Variants in ITPR2 observed in about 807,000 individuals in gnomAD.
ITPR2 encodes the protein inositol 1,4,5-trisphosphate-gated calcium channel ITPR2.
A neutral mutation model predicts 317.1 loss-of-function variants in ITPR2; 207 were observed. That is an observed-to-expected ratio of 0.65 (90% confidence interval 0.58 to 0.73). The LOEUF (loss-of-function observed/expected upper bound fraction) is 0.73. Ranked by LOEUF, ITPR2 falls within the 30% of genes least tolerant of loss-of-function variation. The pLI, the probability that ITPR2 is intolerant of heterozygous loss-of-function variation, is 0.00. For synonymous variants in ITPR2, 1,156 were observed against 1,149.1 expected, an observed-to-expected ratio of 1.01 and a Z score of -0.12; for missense variants, 2,613 against 3,284.0, an observed-to-expected ratio of 0.80 and a Z score of 4.99.
intron 34 of ITPR2, among the ~76,000 whole-genome samples, chr12:26,576,552 C>T (rs1945282580): frequency 6.6e-6 from 1 of 152,178 alleles, no homozygotes; most frequent in African/African-American, 2.4e-5. Context: ...GCAAAAGAGC[C>T]ATGGCGCTCC....
intron 37 of ITPR2, among the ~76,000 whole-genome samples, chr12:26,518,249 T>C (rs1201963600): frequency 6.6e-6 from 1 of 152,180 alleles, no homozygotes; most frequent in Non-Finnish European, 1.5e-5. Flanking sequence ...GCCATTATCC[T>C]AAGCAAACTA....
At chr12:26,600,217 G>A (rs1945962361) in intron 28 of ITPR2, 108 bp from the exon 29 acceptor site, 1 of 888,832 alleles carries the variant, frequency 1.1e-6, no homozygotes. Context: ...GCCCATCTTT[G>A]ATCTCCTTTC....
rs2136870655 is a variant in ITPR2, at chr12:26,494,142, T to A, written c.5370+11A>T. 1 of 1,595,794 alleles carries A rather than the reference T, an allele frequency of 6.3e-7. No homozygotes were observed. Among genetic ancestry groups the A allele is most frequent in the East Asian group, 2.3e-5 (1 of 44,082 alleles). On this transcript the variant is annotated intron_variant, in intron 39 of 56. Coordinates refer to ENST00000381340, the MANE Select transcript of ITPR2 (RefSeq NM_002223.4). ...TAATAAATGTAATCCCCATGATTGA[T>A]GAACAAGTACCTGTGTTTGTGTATT...
chr12:26,739,255 G>C (rs1160248966), intron 2 of ITPR2, among the ~76,000 whole-genome samples: 2 of 152,266 alleles, frequency 1.3e-5, no homozygotes, highest in Middle Eastern at 3.4e-3. Context: ...GTAGTTTCTT[G>C]AAAAGTTAAA....
intron 21 of ITPR2, among the ~76,000 whole-genome samples, chr12:26,641,501 T>C (rs1946988732): frequency 6.6e-6 from 1 of 151,818 alleles, no homozygotes; most frequent in Admixed American, 6.6e-5. Flanking sequence ...GAATTCAAAA[T>C]TTCCAGCAAG....
intron 45 of ITPR2, among the ~76,000 whole-genome samples, chr12:26,458,925 A>G (rs893567879): frequency 1.3e-5 from 2 of 152,166 alleles, no homozygotes; most frequent in Non-Finnish European, 2.9e-5. Context: ...TTTAATTAGC[A>G]CAGTTGCTGT....
chr12:26,790,176 G>T lies in ITPR2; in HGVS notation c.144C>A (p.Asn48Lys), dbSNP rs1178910616. The T allele has an allele frequency of 6.2e-7, 1 of 1,613,240 alleles. No homozygotes were observed. The highest frequency in any genetic ancestry group is 8.5e-7 in the Non-Finnish European group (1 of 1,179,334). ...VVHPEAGDLANPPKKFRDCLF... is the reference protein window; with the variant it reads ...VVHPEAGDLAKPPKKFRDCLF... Reference sequence around the variant, plus strand: ...TCTTACCTCTGAACTTCTTGGGAGGGTTGGCAAGGTCCCCGGCCTCTGGGT... The same window carrying T: ...TCTTACCTCTGAACTTCTTGGGAGGTTTGGCAAGGTCCCCGGCCTCTGGGT... The change falls in exon 2 of 57, where the codon AAC (asparagine) becomes AAA (lysine). Residue 48 changes from asparagine (N) to lysine (K), a missense_variant. Around this residue, in one of 9 missense-constraint regions of ITPR2, gnomAD observed 515 missense variants for 789.4 expected, o/e 0.65. Coordinates refer to ENST00000381340, the MANE Select transcript of ITPR2 (RefSeq NM_002223.4).
intron 49 of ITPR2, chr12:26,419,520 C>A: frequency 5.0e-6 from 1 of 199,630 alleles, no homozygotes; most frequent in Non-Finnish European, 1.0e-5. Context: ...CAAGACAGGT[C>A]TGGATTTAAA....
rs555336392 is a variant in ITPR2 at position 26,342,602 on chromosome 12, TTTTG to T, written c.7858-2278_7858-2275del. ...TCTTTTTTGTTTGTTTGTTTTTGTT[TTTTG>T]TTTGTTTGTTTGTTTTTAAGACTGA... On this transcript the variant is annotated intron_variant, in intron 55 of 56. Transcript: ENST00000381340. Among the ~76,000 whole-genome samples, 208 of 151,876 alleles carry T rather than the reference TTTTG, an allele frequency of 1.4e-3. 1 individual carries two copies. The highest frequency in any genetic ancestry group is 2.5e-3 in the Non-Finnish European group (169 of 67,926).
At chr12:26,745,381 C>A (rs1414286108) in intron 2 of ITPR2, among the ~76,000 whole-genome samples, 1 of 152,196 alleles carries the variant, frequency 6.6e-6, no homozygotes, top group Admixed American at 6.5e-5. Flanking sequence ...CCCTTTGCAC[C>A]ACAGACATAA....
At chr12:26,639,375 G>C (rs1946931363) in intron 21 of ITPR2, among the ~76,000 whole-genome samples, 1 of 152,138 alleles carries the variant, frequency 6.6e-6, no homozygotes, top group Admixed American at 6.5e-5. Flanking sequence ...TGTTCAAGGA[G>C]ATCCTATGTG....
chr12:26,607,587 T>A (rs908951858), intron 26 of ITPR2, among the ~76,000 whole-genome samples: 11 of 152,126 alleles, frequency 7.2e-5, no homozygotes, highest in African/African-American at 2.7e-4. Flanking sequence ...TCTGCTTCCC[T>A]GGGAAGCACC....
chr12:26,622,654 G>C (rs995558139), intron 24 of ITPR2, among the ~76,000 whole-genome samples: 1 of 152,192 alleles, frequency 6.6e-6, no homozygotes, highest in African/African-American at 2.4e-5. Flanking sequence ...GGGGTTCCTA[G>C]GGAAACTGGG....
intron 49 of ITPR2, among the ~76,000 whole-genome samples, chr12:26,425,813 A>C (rs1479199926): frequency 6.6e-6 from 1 of 152,236 alleles, no homozygotes; most frequent in Non-Finnish European, 1.5e-5. Flanking sequence ...ATCTACATGT[A>C]TATTCTTTCT....
chr12:26,484,207 A>T (rs1231429572), intron 41 of ITPR2, among the ~76,000 whole-genome samples: 2 of 151,466 alleles, frequency 1.3e-5, no homozygotes, highest in African/African-American at 4.8e-5. Context: ...CATAATAAAC[A>T]TTTCTCAGTG....
chr12:26,768,522 ATTAG>A lies in ITPR2; in HGVS notation c.163+21631_163+21634del, dbSNP rs770692339. Among the ~76,000 whole-genome samples, 248 of 138,444 alleles carry A rather than the reference ATTAG, an allele frequency of 1.8e-3. 2 individuals are homozygous for A. Among genetic ancestry groups the A allele is most frequent in the Admixed American group, 2.9e-3 (39 of 13,412 alleles). 90.8% of individuals were successfully genotyped at this position (138,444 alleles called of 152,430 possible). On this transcript the variant is annotated intron_variant, in intron 2 of 56. Coordinates refer to ENST00000381340, the MANE Select transcript of ITPR2 (RefSeq NM_002223.4). ...AAAATTGAAATTCAGATCTAAAGGT[ATTAG>A]TTAGTAAAGTAAGAGAATGTCAAAT...
chr12:26,548,082 T>A (rs570209898), intron 37 of ITPR2, among the ~76,000 whole-genome samples: 1 of 152,320 alleles, frequency 6.6e-6, no homozygotes, highest in South Asian at 2.1e-4. Flanking sequence ...ATAAGGAGCT[T>A]GGACTAAATT....
chr12:26,825,353 C>T (rs1950993684), intron 1 of ITPR2, among the ~76,000 whole-genome samples: 1 of 152,112 alleles, frequency 6.6e-6, no homozygotes, highest in Admixed American at 6.6e-5. Flanking sequence ...CCATAAAATT[C>T]ACTGTTATTA....
chr12:26,529,317 C>A (rs574617954), intron 37 of ITPR2, among the ~76,000 whole-genome samples: 15 of 152,178 alleles, frequency 9.9e-5, no homozygotes, highest in Non-Finnish European at 1.2e-4. Flanking sequence ...GATCTCATGA[C>A]CTAGTGCTAC....
Sources: gnomAD v4.1 joint callset for allele counts (sites outside exome capture counted in the v4.1 genomes callset) on GRCh38, gnomAD v4.1.1 for gene constraint, gnomAD v4.1.1 regional missense constraint, MANE v1.5 for transcripts, NCBI Gene and HGNC (gene_info 2026-07-23, HGNC 2026-07-21) for gene names.